The following RIPK2 variants were observed in gnomAD, a reference collection of about 807,000 sequenced individuals.
RIPK2 encodes receptor-interacting serine/threonine-protein kinase 2.
A neutral mutation model predicts 60.9 loss-of-function variants in RIPK2; 38 were observed. That is an observed-to-expected ratio of 0.62 (90% CI 0.48 to 0.82). RIPK2 has a LOEUF of 0.82. Among genes scored for constraint, RIPK2 ranks in the 40% least tolerant of loss-of-function variants. RIPK2 has a pLI of 0.00. For missense variants in RIPK2, 518 were observed against 647.0 expected (o/e 0.80, Z 2.16); for synonymous variants, 225 against 223.4 (o/e 1.01, Z -0.06).
At chr8:89,767,025 T>C (rs39762) in intron 3 of RIPK2, among the ~76,000 whole-genome samples, 52,144 of 151,572 alleles carry the variant, frequency 0.34, 10,086 homozygotes, top group Non-Finnish European at 0.44. Flanking sequence ...ATATTTTTTC[T>C]TCTATGGATC....
At chr8:89,783,332 G>A (rs569980574) in intron 7 of RIPK2, among the ~76,000 whole-genome samples, 3 of 152,312 alleles carry the variant, frequency 2.0e-5, no homozygotes, top group Non-Finnish European at 4.4e-5. Flanking sequence ...TAGTATTTAA[G>A]TAAATCATCT....
At chr8:89,767,414 C>G (rs1402807293) in intron 3 of RIPK2, among the ~76,000 whole-genome samples, 2 of 151,302 alleles carry the variant, frequency 1.3e-5, no homozygotes. Context: ...GAAATTAAAA[C>G]AAGAAATGTG....
At chr8:89,775,878 G>T (rs760327234) in intron 6 of RIPK2, among the ~76,000 whole-genome samples, 1 of 152,180 alleles carries the variant, frequency 6.6e-6, no homozygotes, top group Non-Finnish European at 1.5e-5. Flanking sequence ...TATTACCCCT[G>T]CCTTCCCTTT....
intron 9 of RIPK2, among the ~76,000 whole-genome samples, 163 bp downstream of exon 9, chr8:89,786,849 C>T (rs1223393596): frequency 6.6e-6 from 1 of 151,628 alleles, no homozygotes; most frequent in East Asian, 1.9e-4. Context: ...GTGTGATATT[C>T]AACAAATACA....
At chr8:89,789,982 A>G (rs1655740538) in intron 10 of RIPK2, 97 bp from the exon 11 acceptor site, 1 of 873,120 alleles carries the variant, frequency 1.1e-6, no homozygotes, top group Admixed American at 2.9e-5. Flanking sequence ...TCATAGGAAA[A>G]TTATGTTTTA....
At position 89,762,981 on chromosome 8, in the gene RIPK2, G is replaced by T; in HGVS notation, c.326G>T (p.Arg109Met). The part of the protein sequence containing the change: ...PNGSLNELLH[R>M]KTEYPDVAWP... ...GGATCATTAAATGAACTCCTACATA[G>T]GGTAAGTATTACACAGTTTTAGTGG... Residue 109 changes from arginine to methionine, a missense_variant and splice_region_variant, in exon 2 of 11, where the codon AGG (arginine) becomes ATG (methionine). Coordinates refer to ENST00000220751, the MANE Select transcript of RIPK2 (RefSeq NM_003821.6). 2 of 1,462,000 alleles carry T rather than the reference G, an allele frequency of 1.4e-6. No homozygotes were observed. The highest frequency in any genetic ancestry group is 1.6e-5 in the South Asian group (1 of 64,238). 90.6% of individuals were successfully genotyped at this position (1,462,000 alleles called of 1,614,324 possible).
At chr8:89,763,706 C>T (rs1809181717) in intron 2 of RIPK2, among the ~76,000 whole-genome samples, 1 of 152,110 alleles carries the variant, frequency 6.6e-6, no homozygotes, top group South Asian at 2.1e-4. Flanking sequence ...ACACAATGCC[C>T]TGTAAGTGGC....
intron 5 of RIPK2, 90 bp downstream of exon 5, chr8:89,771,880 G>A: frequency 1.1e-6 from 1 of 890,584 alleles, no homozygotes; most frequent in Non-Finnish European, 1.8e-6. Context: ...TTTTAAATCT[G>A]CTTATTCATT....
rs1362135550 is a variant in RIPK2 at position 89,790,613 on chromosome 8, C to G, written c.*197C>G. On this transcript the variant is annotated 3_prime_UTR_variant, in exon 11 of 11. Coordinates refer to ENST00000220751, the MANE Select transcript of RIPK2 (RefSeq NM_003821.6). ...AAAGTTTGAATTTTGCTACATAGTT[C>G]AATTTTTATGTCTCTTTTGTTAACA... 9.0e-6 allele frequency: 4 copies of G among 445,410 alleles called. No individual in the cohort carries two copies. The highest frequency in any genetic ancestry group is 1.6e-5 in the Non-Finnish European group (4 of 253,308). 27.6% of individuals were successfully genotyped at this position (445,410 alleles called of 1,614,324 possible).
intron 10 of RIPK2, 84 bp downstream of exon 10, chr8:89,789,566 T>C: frequency 7.9e-7 from 1 of 1,268,968 alleles, no homozygotes; most frequent in Non-Finnish European, 1.1e-6. Flanking sequence ...TACAATGAGG[T>C]TTGTCTTTAT....
intron 7 of RIPK2, 113 bp from the exon 8 acceptor site, chr8:89,783,937 T>C: frequency 1.8e-6 from 1 of 546,354 alleles, no homozygotes; most frequent in Non-Finnish European, 3.2e-6. Flanking sequence ...TCTTTATATT[T>C]TCTTTCCATG....
At chr8:89,785,740 T>A (rs988366488) in intron 8 of RIPK2, among the ~76,000 whole-genome samples, 2 of 152,224 alleles carry the variant, frequency 1.3e-5, no homozygotes, top group African/African-American at 2.4e-5. Flanking sequence ...ATGTACAGTA[T>A]TTCATTTGAT....
chr8:89,762,188 A>G lies in RIPK2; in HGVS notation c.174-641A>G, dbSNP rs144146548. Among the ~76,000 whole-genome samples the G allele has an allele frequency of 2.4e-3, 359 of 152,246 alleles. 1 individual carries two copies. The highest frequency in any genetic ancestry group is 8.3e-3 in the African/African-American group (344 of 41,540). ...GGGTGACAAAGAAAAATAGAAAAAAAAATAGTTAAATATATATTTGTTTTA... is the reference window on the plus strand; with the variant it reads ...GGGTGACAAAGAAAAATAGAAAAAAGAATAGTTAAATATATATTTGTTTTA... On this transcript the variant is annotated intron_variant, in intron 1 of 10. Coordinates refer to ENST00000220751, the MANE Select transcript of RIPK2 (RefSeq NM_003821.6).
rs1809662802 is a variant in RIPK2, at chr8:89,790,650, T to G, written c.*234T>G. On this transcript the variant is annotated 3_prime_UTR_variant, in exon 11 of 11. Coordinates refer to ENST00000220751, the MANE Select transcript of RIPK2 (RefSeq NM_003821.6). ...CTCTTTTGTTAACAGAAACCACTTT[T>G]AAAGGATAGTAATTATTCTTGTTTA... is the stretch of plus-strand genomic sequence containing the variant. The G allele has an allele frequency of 1.0e-5, 4 of 391,138 alleles. No individual in the cohort carries two copies. In the South Asian group the frequency reaches 1.3e-4, roughly 12 times the overall value. The allele number at this position is 391,138 out of a possible 1,614,324, so 24.2% of individuals were successfully genotyped here.
intron 2 of RIPK2, among the ~76,000 whole-genome samples, chr8:89,764,562 A>G (rs1168910946): frequency 1.3e-5 from 2 of 152,172 alleles, no homozygotes; most frequent in Non-Finnish European, 2.9e-5. Flanking sequence ...CTTCCAAAGT[A>G]TGTTCATTCT....
chr8:89,781,731 C>G (rs958712398), intron 7 of RIPK2, among the ~76,000 whole-genome samples: 12 of 152,120 alleles, frequency 7.9e-5, no homozygotes, highest in African/African-American at 1.9e-4. Flanking sequence ...ATGGGTAGCA[C>G]TGAACCCTAT....
At chr8:89,781,354 ATTT>A (rs58525879) in intron 7 of RIPK2, among the ~76,000 whole-genome samples, 1 of 143,960 alleles carries the variant, frequency 6.9e-6, no homozygotes. Flanking sequence ...AATAGATTGA[ATTT>A]TTTTTTTTTT....
intron 6 of RIPK2, among the ~76,000 whole-genome samples, chr8:89,774,937 T>A (rs144940404): frequency 2.0e-5 from 3 of 152,140 alleles, no homozygotes; most frequent in African/African-American, 7.2e-5. Context: ...GGAGGCCAAA[T>A]GAGATAAGCA....
chr8:89,759,300 T>C (rs1412131961), intron 1 of RIPK2: 1 of 456,256 alleles, frequency 2.2e-6, no homozygotes, highest in South Asian at 1.5e-5. Context: ...GTCACTAGTC[T>C]TGTGTATTTT....
Sources: gnomAD v4.1 joint callset for allele counts (sites outside exome capture counted in the v4.1 genomes callset) on GRCh38, gnomAD v4.1.1 for gene constraint, MANE v1.5 for transcripts, NCBI Gene and HGNC (gene_info 2026-07-23, HGNC 2026-07-21) for gene names.